Variants in CYP7B1 observed in about 807,000 individuals in gnomAD.
CYP7B1 encodes cytochrome P450 7B1.
A neutral mutation model predicts 42.7 loss-of-function variants in CYP7B1; 29 were observed. The ratio of observed to expected loss-of-function variants is 0.68; its 90% CI spans 0.51 to 0.93. CYP7B1 has a LOEUF of 0.93. CYP7B1 is among the 40% of genes least tolerant of loss of function. The pLI is 0.00. For synonymous variants in CYP7B1, 235 were observed against 218.2 expected (o/e 1.08, Z -0.68); for missense variants, 655 against 600.5 (o/e 1.09, Z -0.95).
Position 64,596,808 on chromosome 8 carries a change from C to T in CYP7B1, c.1355G>A (p.Arg452Gln), listed in dbSNP as rs775806979. 7.4e-6 allele frequency: 12 copies of T among 1,613,918 alleles called. No individual in the cohort carries two copies. Among genetic ancestry groups the T allele is most frequent in the South Asian group, 4.4e-5 (4 of 91,074 alleles). The stretch of plus-strand genomic sequence containing the variant: ...TTTTATTTCCATAAGTGCAAAAAAT[C>T]GGCCTGGACATTTGCTGGTTCCAGT... Reference protein sequence around the residue: ...FGTGTSKCPGRFFALMEIKQL... With the variant: ...FGTGTSKCPGQFFALMEIKQL... The change falls in exon 6 of 6, where the codon CGA becomes CAA. Residue 452 changes from arginine (R) to glutamine (Q), a missense_variant. Transcript: ENST00000310193.
chr8:64,763,383 A>T (rs1037618700), intron 1 of CYP7B1, among the ~76,000 whole-genome samples: 4 of 152,120 alleles, frequency 2.6e-5, no homozygotes, highest in African/African-American at 9.7e-5. Flanking sequence ...CAGGTCAGAG[A>T]ACAAAAGGGA....
At chr8:64,753,765 A>T (rs765062843) in intron 1 of CYP7B1, among the ~76,000 whole-genome samples, 1 of 152,364 alleles carries the variant, frequency 6.6e-6, no homozygotes, top group Non-Finnish European at 1.5e-5. Flanking sequence ...TTTAGAAAGG[A>T]TGGCGAGGAG....
At chr8:64,587,170 A>C (rs1213298000), downstream of CYP7B1, among the ~76,000 whole-genome samples, 1 of 152,240 alleles carries the variant, frequency 6.6e-6, no homozygotes, top group African/African-American at 2.4e-5. Flanking sequence ...CAGCATCCCT[A>C]GGTTGCAAAC....
chr8:64,762,204 T>C (rs905868695), intron 1 of CYP7B1, among the ~76,000 whole-genome samples: 9 of 152,290 alleles, frequency 5.9e-5, no homozygotes, highest in African/African-American at 1.9e-4. Context: ...AATTTTATGT[T>C]AGGTAAAATG....
chr8:64,760,181 C>A (rs766931869), intron 1 of CYP7B1, among the ~76,000 whole-genome samples: 3 of 151,984 alleles, frequency 2.0e-5, no homozygotes, highest in Non-Finnish European at 4.4e-5. Flanking sequence ...TGTTGGTAAA[C>A]CTGTATATCT....
chr8:64,767,391 C>T (rs1057217579), intron 1 of CYP7B1, among the ~76,000 whole-genome samples: 2 of 152,202 alleles, frequency 1.3e-5, no homozygotes, highest in East Asian at 1.9e-4. Context: ...CAAGGCGGGA[C>T]CCTCCATTAG....
At chr8:64,750,163 G>T (rs1176698089) in intron 1 of CYP7B1, among the ~76,000 whole-genome samples, 1 of 152,124 alleles carries the variant, frequency 6.6e-6, no homozygotes, top group African/African-American at 2.4e-5. Context: ...GCAGGTTAGG[G>T]GTGGGTAGAT....
intron 1 of CYP7B1, among the ~76,000 whole-genome samples, chr8:64,657,409 G>A (rs1439931614): frequency 6.6e-6 from 1 of 152,110 alleles, no homozygotes; most frequent in African/African-American, 2.4e-5. Context: ...ATCCCCAGGA[G>A]GTGTTCGGGC....
At chr8:64,652,760 C>T (rs541787666) in intron 1 of CYP7B1, among the ~76,000 whole-genome samples, 4 of 152,210 alleles carry the variant, frequency 2.6e-5, no homozygotes, top group East Asian at 3.9e-4. Flanking sequence ...AGGAGAATGG[C>T]GTGAACCCGG....
intron 1 of CYP7B1, among the ~76,000 whole-genome samples, chr8:64,714,926 G>A (rs546850584): frequency 7.9e-5 from 12 of 152,188 alleles, no homozygotes; most frequent in South Asian, 4.1e-4. Context: ...AAAACTGACC[G>A]TGTTCCTTAT....
intron 1 of CYP7B1, among the ~76,000 whole-genome samples, chr8:64,751,361 T>C (rs1406052585): frequency 6.6e-6 from 1 of 152,214 alleles, no homozygotes; most frequent in East Asian, 1.9e-4. Context: ...TATCTCATAA[T>C]ATGGTATAAA....
intron 1 of CYP7B1, among the ~76,000 whole-genome samples, chr8:64,689,215 T>G (rs1427544461): frequency 6.6e-6 from 1 of 152,384 alleles, no homozygotes; most frequent in East Asian, 1.9e-4. Flanking sequence ...TAAATGTTTA[T>G]GTAAATTCAG....
chr8:64,791,544 T>C (rs765425189), intron 1 of CYP7B1, among the ~76,000 whole-genome samples: 1 of 152,156 alleles, frequency 6.6e-6, no homozygotes, highest in Non-Finnish European at 1.5e-5. Flanking sequence ...GAAGGGCCCA[T>C]GACCTAGGTC....
intron 1 of CYP7B1, among the ~76,000 whole-genome samples, chr8:64,633,524 A>G (rs898747824): frequency 2.0e-5 from 3 of 152,350 alleles, no homozygotes; most frequent in Middle Eastern, 3.4e-3. Flanking sequence ...CAAAATATAC[A>G]AAGTTAACTT....
chr8:64,728,791 T>G (rs945028930), intron 1 of CYP7B1: 1 of 152,142 alleles, frequency 6.6e-6, no homozygotes, highest in Admixed American at 6.5e-5. Context: ...TTCAAGAAAT[T>G]TCTGCCATTT....
chr8:64,712,921 C>T (rs959264300), intron 1 of CYP7B1, among the ~76,000 whole-genome samples: 5 of 152,010 alleles, frequency 3.3e-5, no homozygotes, highest in African/African-American at 1.2e-4. Context: ...AGTAAGATGT[C>T]GACAGATGCT....
chr8:64,764,182 T>C lies in CYP7B1; in HGVS notation c.122+34284A>G, dbSNP rs1807934386. Among the ~76,000 whole-genome samples, 5 of 151,982 alleles carry C rather than the reference T, an allele frequency of 3.3e-5. No homozygotes were observed. In the South Asian group the frequency reaches 1.0e-3, roughly 32 times the overall value. ...AATGGCTAGGAAGATTGCTCTCCCA[T>C]TGTGTAAGATGCTCTCCTCCCCGAA... On this transcript the variant is annotated intron_variant, in intron 1 of 5. Transcript: ENST00000310193.
rs1428330884 is a variant in CYP7B1 at position 64,780,911 on chromosome 8, A to C, written c.122+17555T>G. Among the ~76,000 whole-genome samples the C allele has an allele frequency of 3.3e-5, 5 of 152,168 alleles. 1 individual carries two copies. Among genetic ancestry groups the C allele is most frequent in the Admixed American group, 2.6e-4 (4 of 15,256 alleles). On this transcript the variant is annotated intron_variant, in intron 1 of 5. Transcript: ENST00000310193. ...AGTAGGTATGCACCGGGTTTGGGCA[A>C]GAAAAAATCTCCTAACCAAATCATA...
intron 1 of CYP7B1, among the ~76,000 whole-genome samples, chr8:64,790,672 T>C (rs542628474): frequency 3.9e-5 from 6 of 152,324 alleles, no homozygotes; most frequent in Non-Finnish European, 7.3e-5. Flanking sequence ...ATCACTCCTA[T>C]TCCTCCAATG....
Sources: gnomAD v4.1 joint callset for allele counts (sites outside exome capture counted in the v4.1 genomes callset) on GRCh38, gnomAD v4.1.1 for gene constraint, MANE v1.5 for transcripts, NCBI Gene and HGNC (gene_info 2026-07-23, HGNC 2026-07-21) for gene names.